Variants in ARHGEF26 observed in about 807,000 individuals in gnomAD.
The protein encoded by ARHGEF26 is Rho guanine nucleotide exchange factor 26, also known as Rho guanine nucleotide exchange factor (GEF) 26.
A neutral mutation model predicts 89.4 loss-of-function variants in ARHGEF26; 59 were observed. The observed-to-expected ratio is 0.66, with a 90% CI of 0.54 to 0.82. The LOEUF (loss-of-function observed/expected upper bound fraction) is 0.82. Ranked by LOEUF, ARHGEF26 falls within the 40% of genes least tolerant of loss-of-function variation. The pLI, the probability that ARHGEF26 is intolerant of heterozygous loss-of-function variation, is 0.00. For missense variants in ARHGEF26, 1,234 were observed against 1,085.6 expected (o/e 1.14, Z -1.92); for synonymous variants, 500 against 428.4 (o/e 1.17, Z -2.06).
At chr3:154,195,383 C>G (rs59617371) in intron 9 of ARHGEF26, among the ~76,000 whole-genome samples, 2 of 152,096 alleles carry the variant, frequency 1.3e-5, no homozygotes, top group Admixed American at 6.5e-5. Context: ...GGGGCCTGAT[C>G]GTAAGATGAT....
chr3:154,254,469 C>T (rs1718355890), intron 13 of ARHGEF26, among the ~76,000 whole-genome samples: 1 of 152,050 alleles, frequency 6.6e-6, no homozygotes. Flanking sequence ...CTAATGACTC[C>T]TGATCAACCT....
chr3:154,254,740 G>A lies in ARHGEF26; in HGVS notation c.2389G>A (p.Val797Ile), dbSNP rs142649978. The change falls in exon 14 of 15, where the codon GTT becomes ATT. Residue 797 changes from valine to isoleucine, a missense_variant. Transcript: ENST00000465093. ...DRTSLTQVEI[V>I]RSFTAKQPDE... Reference sequence around the variant, plus strand: ...CTCAGCACTGACCCAGGTGGAAATCGTTAGGTCATTTACTGCTAAGCAGCC... The same window carrying A: ...CTCAGCACTGACCCAGGTGGAAATCATTAGGTCATTTACTGCTAAGCAGCC... 60 of 1,613,830 alleles carry A rather than the reference G, an allele frequency of 3.7e-5. No homozygotes were observed. In the South Asian group the frequency reaches 4.4e-4, roughly 12 times the overall value.
intron 5 of ARHGEF26, among the ~76,000 whole-genome samples, chr3:154,152,466 C>T (rs1262646626): frequency 6.6e-6 from 1 of 152,120 alleles, no homozygotes; most frequent in Non-Finnish European, 1.5e-5. Flanking sequence ...GACATGCCCT[C>T]GCTTCCTTCC....
intron 11 of ARHGEF26, among the ~76,000 whole-genome samples, chr3:154,238,715 C>A (rs1294513507): frequency 1.3e-5 from 2 of 152,110 alleles, no homozygotes; most frequent in African/African-American, 4.8e-5. Context: ...ACTTATGTGA[C>A]AGTTATTTAT....
Position 154,253,166 on chromosome 3 carries a change from C to T in ARHGEF26, c.2351C>T (p.Pro784Leu), listed in dbSNP as rs749453903. The T allele has an allele frequency of 8.1e-6, 13 of 1,613,896 alleles. No individual in the cohort carries two copies. Among genetic ancestry groups the T allele is most frequent in the African/African-American group, 6.7e-5 (5 of 74,928 alleles). ...GCCCTGGGACACAGCAGCGGGAAGCCGCCTGCAGACCGAACCTGTAAGTTC... is the reference window on the plus strand; with the variant it reads ...GCCCTGGGACACAGCAGCGGGAAGCTGCCTGCAGACCGAACCTGTAAGTTC... ...ITALGHSSGK[P>L]PADRTSLTQV... The change falls in exon 13 of 15, where the codon CCG becomes CTG. Residue 784 changes from proline (P) to leucine (L), a missense_variant. Pro to Leu is a moderately conservative substitution (Grantham distance 98). Transcript: ENST00000465093.
rs552521961 is a variant in ARHGEF26, at chr3:154,122,266, G to A, written c.274G>A (p.Ala92Thr). 3 of 1,612,368 alleles carry A rather than the reference G, an allele frequency of 1.9e-6. No homozygotes were observed. Among genetic ancestry groups the A allele is most frequent in the East Asian group, 2.2e-5 (1 of 44,808 alleles). Residue 92 changes from alanine (A) to threonine (T), a missense_variant, in exon 2 of 15, where the codon GCC becomes ACC. By Grantham distance (58) the Ala-to-Thr change is moderately conservative (BLOSUM62 0). Coordinates refer to ENST00000465093, the MANE Select transcript of ARHGEF26 (RefSeq NM_015595.4). ...TCTGGGCGCCCAGCGGAGAGCGGTG[G>A]CCAATGGTGGGACGGCATCCCCGGA... ...LLLGAQRRAV[A>T]NGGTASPEYR...
chr3:154,125,831 T>G (rs1168176901), intron 3 of ARHGEF26, among the ~76,000 whole-genome samples: 1 of 152,060 alleles, frequency 6.6e-6, no homozygotes, highest in Non-Finnish European at 1.5e-5. Flanking sequence ...ATTCTTACAG[T>G]TAATGATTAA....
At chr3:154,130,869 A>G (rs1015834265) in intron 4 of ARHGEF26, among the ~76,000 whole-genome samples, 1 of 152,176 alleles carries the variant, frequency 6.6e-6, no homozygotes, top group Non-Finnish European at 1.5e-5. Flanking sequence ...CACTGGTGTA[A>G]GAAAAGGAGT....
intron 8 of ARHGEF26, among the ~76,000 whole-genome samples, chr3:154,191,686 T>G (rs1713967976): frequency 6.6e-6 from 1 of 152,188 alleles, no homozygotes; most frequent in Non-Finnish European, 1.5e-5. Flanking sequence ...GGAAGAGTTG[T>G]GGCTTCTTTA....
At chr3:154,144,162 T>C (rs1216034807) in intron 4 of ARHGEF26, among the ~76,000 whole-genome samples, 1 of 151,940 alleles carries the variant, frequency 6.6e-6, no homozygotes, top group Non-Finnish European at 1.5e-5. Flanking sequence ...AGGGGAAGAG[T>C]AGCTTGCACA....
chr3:154,181,148 G>A (rs1331763417), intron 6 of ARHGEF26, among the ~76,000 whole-genome samples: 1 of 152,088 alleles, frequency 6.6e-6, no homozygotes, highest in African/African-American at 2.4e-5. Flanking sequence ...TCCAAATAAA[G>A]CAGCCCCAAA....
chr3:154,134,402 A>G (rs1189007938), intron 4 of ARHGEF26, among the ~76,000 whole-genome samples: 9 of 152,136 alleles, frequency 5.9e-5, no homozygotes, highest in Non-Finnish European at 1.2e-4. Flanking sequence ...GTCACGCCTT[A>G]TGTGGATGGC....
chr3:154,221,146 CAA>C (rs112349744), intron 10 of ARHGEF26, among the ~76,000 whole-genome samples: 1 of 132,582 alleles, frequency 7.5e-6, no homozygotes, highest in Non-Finnish European at 1.6e-5. Flanking sequence ...TTGTGTAAAA[CAA>C]AAAAAAAAAA....
intron 6 of ARHGEF26, among the ~76,000 whole-genome samples, chr3:154,161,183 A>G (rs1223940798): frequency 1.3e-5 from 2 of 151,850 alleles, no homozygotes; most frequent in Non-Finnish European, 2.9e-5. Flanking sequence ...TGATTGGCAT[A>G]GTATAGGTTA....
At chr3:154,227,292 AT>A (rs10707250) in intron 11 of ARHGEF26, among the ~76,000 whole-genome samples, 91,713 of 111,802 alleles carry the variant, frequency 0.82, 37,081 homozygotes, top group East Asian at 0.95. Context: ...CTAAGTAAAA[AT>A]TTTTTTTTTT....
chr3:154,153,052 G>A (rs1720121425), intron 6 of ARHGEF26, 120 bp downstream of exon 6: 1 of 922,110 alleles, frequency 1.1e-6, no homozygotes. Context: ...CTTTTGTCTT[G>A]ATTCCTTGAA....
chr3:154,121,886 G>A, intron 1 of ARHGEF26, 56 bp from the exon 2 acceptor site: 1 of 1,439,820 alleles, frequency 6.9e-7, no homozygotes, highest in Non-Finnish European at 9.2e-7. Flanking sequence ...CACGCGAGTC[G>A]GCCAGGCGTC....
At chr3:154,130,147 A>ATTTT (rs55816788) in intron 4 of ARHGEF26, among the ~76,000 whole-genome samples, 2 of 105,962 alleles carry the variant, frequency 1.9e-5, no homozygotes, top group Non-Finnish European at 3.5e-5. Context: ...TTCCTTGGAA[A>ATTTT]TTTTTTTTTT....
chr3:154,225,537 CCTTA>C (rs1313567503), intron 10 of ARHGEF26, among the ~76,000 whole-genome samples: 1 of 151,948 alleles, frequency 6.6e-6, no homozygotes, highest in Non-Finnish European at 1.5e-5. Context: ...GTAAATAACT[CCTTA>C]CTTTCTTTTT....
Sources: allele counts gnomAD v4.1 joint callset (sites outside exome capture counted in the v4.1 genomes callset), GRCh38; gene constraint gnomAD v4.1.1; transcripts MANE v1.5; gene names NCBI Gene and HGNC (gene_info 2026-07-23, HGNC 2026-07-21).